The following TNS3 variants were observed in gnomAD, a reference collection of about 807,000 sequenced individuals.
The protein encoded by TNS3 is tensin 3, also known as tensin-3.
TNS3 carries 45 observed loss-of-function variants against 140.9 expected under a neutral mutation model. That is an observed-to-expected ratio of 0.32 (90% CI 0.25 to 0.41). The LOEUF (loss-of-function observed/expected upper bound fraction) is 0.41. Among genes scored for constraint, TNS3 ranks in the 10% least tolerant of loss-of-function variants. TNS3 has a pLI of 1.00. For missense variants in TNS3, 1,716 were observed against 1,906.7 expected, an observed-to-expected ratio of 0.90 and a Z score of 1.86; for synonymous variants, 815 against 788.4, an observed-to-expected ratio of 1.03 and a Z score of -0.56.
chr7:47,411,189 G>T (rs188385031), intron 13 of TNS3, among the ~76,000 whole-genome samples: 8 of 152,292 alleles, frequency 5.3e-5, no homozygotes, highest in Non-Finnish European at 8.8e-5. Flanking sequence ...ATCTCGAGGG[G>T]CTCTAGAATG....
At chr7:47,282,323 GC>G (rs1452258429) in intron 28 of TNS3, among the ~76,000 whole-genome samples, 4 of 148,576 alleles carry the variant, frequency 2.7e-5, no homozygotes, top group Non-Finnish European at 6.0e-5. Flanking sequence ...GATGAGCCAT[GC>G]CCCGACCCTG....
At chr7:47,504,758 C>G (rs575347131) in intron 3 of TNS3, among the ~76,000 whole-genome samples, 1 of 152,306 alleles carries the variant, frequency 6.6e-6, no homozygotes, top group African/African-American at 2.4e-5. Context: ...CTCATATCCC[C>G]AACAACGACG....
At chr7:47,517,834 G>A (rs1254409721) in intron 2 of TNS3, among the ~76,000 whole-genome samples, 2 of 152,128 alleles carry the variant, frequency 1.3e-5, no homozygotes, top group Admixed American at 6.5e-5. Flanking sequence ...CTGTATCGGG[G>A]GTCAAGAAAA....
chr7:47,491,069 C>T (rs936250974), intron 3 of TNS3, among the ~76,000 whole-genome samples: 1 of 152,288 alleles, frequency 6.6e-6, no homozygotes, highest in South Asian at 2.1e-4. Flanking sequence ...AAGAGGCCGA[C>T]AGAGCGCGGC....
rs1324643146 is a variant in TNS3, at chr7:47,537,324, G to T, written c.-264-8177C>A. On this transcript the variant is annotated intron_variant, in intron 1 of 30. Transcript: ENST00000311160. ...CCTCCACGGCCACTCCTGCCCGTCAGAAGTCAGACGCCGGGAACAAAAGCC... is the reference window on the plus strand; with the variant it reads ...CCTCCACGGCCACTCCTGCCCGTCATAAGTCAGACGCCGGGAACAAAAGCC... Among the ~76,000 whole-genome samples, 8 of 152,310 alleles carry T rather than the reference G, an allele frequency of 5.3e-5. No individual in the cohort carries two copies. The East Asian group carries it at 1.4e-3, about 26-fold the overall frequency.
At chr7:47,572,632 T>G (rs977923750) in intron 1 of TNS3, among the ~76,000 whole-genome samples, 2 of 152,090 alleles carry the variant, frequency 1.3e-5, no homozygotes, top group Non-Finnish European at 2.9e-5. Context: ...TCCCAGCACT[T>G]TGGGAGGCCG....
chr7:47,422,868 TC>T (rs1365746296), intron 10 of TNS3, among the ~76,000 whole-genome samples: 42 of 122,710 alleles, frequency 3.4e-4, no homozygotes, highest in African/African-American at 1.2e-3. Context: ...ATTTAATGGT[TC>T]CAAAAAAAAA....
chr7:47,410,312 G>T (rs901828211), intron 13 of TNS3, among the ~76,000 whole-genome samples: 1 of 152,212 alleles, frequency 6.6e-6, no homozygotes, highest in African/African-American at 2.4e-5. Context: ...CTGAGGAAAC[G>T]GGCCTATAAA....
chr7:47,280,433 C>T (rs1785083089), intron 28 of TNS3, 79 bp from the exon 29 acceptor site: 1 of 1,273,028 alleles, frequency 7.9e-7, no homozygotes, highest in South Asian at 1.2e-5. Context: ...GGCGGGCTCT[C>T]CCATACATGA....
intron 4 of TNS3, among the ~76,000 whole-genome samples, chr7:47,474,290 CAT>C (rs755788652): frequency 5.4e-5 from 6 of 110,478 alleles, no homozygotes; most frequent in African/African-American, 2.0e-4. Flanking sequence ...AACACACACA[CAT>C]AAACACACAC....
chr7:47,321,663 C>G (rs1436315872), intron 20 of TNS3, among the ~76,000 whole-genome samples: 1 of 152,160 alleles, frequency 6.6e-6, no homozygotes, highest in Non-Finnish European at 1.5e-5. Context: ...CTCATCTGTC[C>G]CTCTGCCCAT....
At chr7:47,412,133 G>A (rs182032438) in intron 12 of TNS3, among the ~76,000 whole-genome samples, 1 of 152,260 alleles carries the variant, frequency 6.6e-6, no homozygotes, top group Non-Finnish European at 1.5e-5. Flanking sequence ...ACAAACTGAG[G>A]GTGCAATTCC....
chr7:47,373,945 C>T (rs1012765729), intron 16 of TNS3, among the ~76,000 whole-genome samples: 4 of 152,246 alleles, frequency 2.6e-5, no homozygotes, highest in Middle Eastern at 3.4e-3. Context: ...AGCCGTGCAG[C>T]GCTTGGCCAC....
chr7:47,311,396 A>AAG (rs926580948), intron 20 of TNS3, among the ~76,000 whole-genome samples: 2 of 103,824 alleles, frequency 1.9e-5, no homozygotes, highest in East Asian at 3.2e-4. Flanking sequence ...CTAGAACTTA[A>AAG]AGAGTGTGTG....
At chr7:47,544,243 A>G (rs1270243441) in intron 1 of TNS3, among the ~76,000 whole-genome samples, 1 of 138,902 alleles carries the variant, frequency 7.2e-6, no homozygotes, top group Non-Finnish European at 1.6e-5. Flanking sequence ...TCCTTCACCT[A>G]TCCATGGGTC....
At chr7:47,400,663 G>A (rs1793102664) in intron 14 of TNS3, 122 bp downstream of exon 14, 1 of 1,489,408 alleles carries the variant, frequency 6.7e-7, no homozygotes, top group Non-Finnish European at 9.1e-7. Context: ...CTCCTACTTT[G>A]GGAACAATTT....
chr7:47,299,185 T>A (rs1409856207), intron 23 of TNS3, among the ~76,000 whole-genome samples: 1 of 152,238 alleles, frequency 6.6e-6, no homozygotes, highest in African/African-American at 2.4e-5. Context: ...TTGCCCAGAC[T>A]GAAGTACAGT....
intron 27 of TNS3, among the ~76,000 whole-genome samples, chr7:47,288,366 G>A (rs990554717): frequency 8.5e-5 from 13 of 152,230 alleles, no homozygotes; most frequent in South Asian, 4.1e-4. Context: ...TGCTATCACC[G>A]TTCTTCTGCG....
At chr7:47,518,503 T>C (rs758110419) in intron 2 of TNS3, among the ~76,000 whole-genome samples, 4 of 152,168 alleles carry the variant, frequency 2.6e-5, no homozygotes, top group Admixed American at 1.3e-4. Context: ...TTTCTCTCTT[T>C]CTTTCCACGT....
Sources: gnomAD v4.1 joint callset for allele counts (sites outside exome capture counted in the v4.1 genomes callset) on GRCh38, gnomAD v4.1.1 for gene constraint, MANE v1.5 for transcripts, NCBI Gene and HGNC (gene_info 2026-07-23, HGNC 2026-07-21) for gene names.